Variants in PPM1H observed in about 807,000 individuals in gnomAD.
PPM1H encodes protein phosphatase 1H.
In PPM1H, 27 loss-of-function variants were observed where a neutral mutation model predicts 54.9. That is an observed-to-expected ratio of 0.49 (90% CI 0.36 to 0.68). The LOEUF is 0.68. Among genes scored for constraint, PPM1H ranks in the 30% least tolerant of loss-of-function variants. The probability of loss-of-function intolerance (pLI) is 0.00; values close to 1 mark genes in which losing one functional copy is unlikely to be tolerated. For synonymous variants in PPM1H, 305 were observed against 270.8 expected, an observed-to-expected ratio of 1.13 and a Z score of -1.24; for missense variants, 596 against 667.8, an observed-to-expected ratio of 0.89 and a Z score of 1.19.
At chr12:62,915,718 G>A (rs143802701) in intron 1 of PPM1H, among the ~76,000 whole-genome samples, 196 of 152,256 alleles carry the variant, frequency 1.3e-3, no homozygotes, top group African/African-American at 4.4e-3. Context: ...CAGAGGACAT[G>A]CCTGGCAGAC....
chr12:62,891,440 T>C (rs1428543917), intron 1 of PPM1H, among the ~76,000 whole-genome samples: 2 of 152,242 alleles, frequency 1.3e-5, no homozygotes, highest in African/African-American at 4.8e-5. Context: ...GATTTTTCCA[T>C]GTGTCAACCA....
chr12:62,646,893 G>GGAA lies in PPM1H; in HGVS notation c.*1593_*1595dup, dbSNP rs2075788578. ...GGAGAGGTTCCTATCCTCTCCTCTG[G>GGAA]GAAGAAATTCAAACAAATATGAGAA... On this transcript the variant is annotated 3_prime_UTR_variant, in exon 10 of 10. Coordinates refer to ENST00000228705, the MANE Select transcript of PPM1H (RefSeq NM_020700.2). 6.6e-6 allele frequency: 1 copy of GGAA among 152,152 alleles called. No individual in the cohort carries two copies. Among genetic ancestry groups the GGAA allele is most frequent in the South Asian group, 2.1e-4 (1 of 4,830 alleles). 9.4% of individuals were successfully genotyped at this position (152,152 alleles called of 1,614,324 possible).
rs772603749 is a variant in PPM1H, at chr12:62,648,491, A to G, written c.1543T>C (p.Ter515ArgextTer32). The change falls in exon 10 of 10, where the codon TGA (stop) becomes CGA (arginine). Residue 515 changes from the stop codon to arginine, a stop_lost. Transcript: ENST00000228705. ...CCTCCCAATCCCCTGGGCCATTTTC[A>G]TGACAGCTTGTTTCCATGTATTAAA... Reference protein sequence around the residue: ...IPLIHGNKLS* With the variant: ...IPLIHGNKLSR The G allele has an allele frequency of 1.2e-6, 2 of 1,613,888 alleles. No individual in the cohort carries two copies. The highest frequency in any genetic ancestry group is 1.7e-5 in the Admixed American group (1 of 60,024).
intron 6 of PPM1H, among the ~76,000 whole-genome samples, chr12:62,710,854 C>A (rs1298346922): frequency 6.6e-6 from 1 of 152,200 alleles, no homozygotes; most frequent in Non-Finnish European, 1.5e-5. Flanking sequence ...CTGAGGCCAG[C>A]AGCAGCTCTT....
intron 4 of PPM1H, chr12:62,755,434 G>A: frequency 7.1e-6 from 5 of 702,484 alleles, no homozygotes; most frequent in Non-Finnish European, 1.1e-5. Context: ...TGTCATCAAC[G>A]AAAATCCTAT....
chr12:62,789,017 C>T (rs531614682), intron 3 of PPM1H, among the ~76,000 whole-genome samples: 5 of 150,956 alleles, frequency 3.3e-5, no homozygotes, highest in Admixed American at 1.3e-4. Context: ...TGAGCCACTG[C>T]GCCCAGCCTT....
intron 4 of PPM1H, among the ~76,000 whole-genome samples, chr12:62,744,239 G>C (rs2076398196): frequency 6.6e-6 from 1 of 151,954 alleles, no homozygotes; most frequent in Non-Finnish European, 1.5e-5. Context: ...GGGAGGCCGA[G>C]GTGAGTGGAT....
chr12:62,658,182 A>ATTTT (rs1173229360), intron 9 of PPM1H, among the ~76,000 whole-genome samples: 2,300 of 87,410 alleles, frequency 0.026, 103 homozygotes, highest in South Asian at 0.062. Context: ...AACACGGTGA[A>ATTTT]TTTTTTTTTT....
intron 2 of PPM1H, 57 bp from the exon 3 acceptor site, chr12:62,802,217 C>T (rs1471046173): frequency 7.2e-7 from 1 of 1,396,262 alleles, no homozygotes; most frequent in African/African-American, 1.4e-5. Context: ...GCCTCAGGGT[C>T]ATACAGATTG....
intron 4 of PPM1H, among the ~76,000 whole-genome samples, chr12:62,758,691 C>A (rs186877984): frequency 0.014 from 2,157 of 152,108 alleles, 25 homozygotes; most frequent in Middle Eastern, 0.041. Context: ...AGCATCTAAC[C>A]CAAGACAGGT....
At chr12:62,650,417 C>T (rs1298717044) in intron 9 of PPM1H, among the ~76,000 whole-genome samples, 9 of 152,166 alleles carry the variant, frequency 5.9e-5, no homozygotes, top group Admixed American at 2.6e-4. Flanking sequence ...GCAAACAGTT[C>T]GTCCTGAGGT....
rs1447154827 is a variant in PPM1H at position 62,934,219 on chromosome 12, C to G, written c.245+273G>C. On this transcript the variant is annotated intron_variant, in intron 1 of 9. Transcript: ENST00000228705. This position sits in a 1 kb window ranked among gnomAD's most constrained non-coding sequence, Gnocchi z 4.2. ...TGACAGAGACCCCGGATTCACAGACCTGTCTCACCTTAGCTTTCCCACGCT... is the reference window on the plus strand; with the variant it reads ...TGACAGAGACCCCGGATTCACAGACGTGTCTCACCTTAGCTTTCCCACGCT... Among the ~76,000 whole-genome samples, 1 of 152,194 alleles carries G rather than the reference C, an allele frequency of 6.6e-6. No individual in the cohort carries two copies. Among genetic ancestry groups the G allele is most frequent in the Admixed American group, 6.5e-5 (1 of 15,276 alleles).
At chr12:62,679,710 C>A (rs371909189) in intron 8 of PPM1H, among the ~76,000 whole-genome samples, 1 of 152,122 alleles carries the variant, frequency 6.6e-6, no homozygotes, top group African/African-American at 2.4e-5. Context: ...GATTGCAACC[C>A]GGCTCCTCCT....
intron 4 of PPM1H, among the ~76,000 whole-genome samples, chr12:62,770,302 TCCCCATTTC>T (rs1175852445): frequency 3.9e-5 from 6 of 152,114 alleles, no homozygotes; most frequent in Admixed American, 6.6e-5. Flanking sequence ...CCTCTTATTA[TCCCCATTTC>T]CCCCATTTCC....
chr12:62,705,825 T>C (rs1488689403), intron 6 of PPM1H, among the ~76,000 whole-genome samples: 1 of 152,242 alleles, frequency 6.6e-6, no homozygotes, highest in Non-Finnish European at 1.5e-5. Context: ...CCCTTTATAC[T>C]GTATGAGATC....
rs1023569490 is a variant in PPM1H, at chr12:62,681,686, C to T, written c.1245+8013G>A. On this transcript the variant is annotated intron_variant, in intron 8 of 9. Transcript: ENST00000228705. The stretch of plus-strand genomic sequence containing the variant: ...CTTCTCCCTCCTATATCCAAATCCC[C>T]TAGTCCCTTAGAAAGCAGGAAACAC... Among the ~76,000 whole-genome samples, 7 of 152,304 alleles carry T rather than the reference C, an allele frequency of 4.6e-5. No individual in the cohort carries two copies. In the East Asian group the frequency reaches 1.2e-3, roughly 25 times the overall value.
intron 5 of PPM1H, among the ~76,000 whole-genome samples, chr12:62,733,293 G>A (rs759411434): frequency 2.6e-5 from 4 of 152,008 alleles, no homozygotes; most frequent in Admixed American, 6.6e-5. Context: ...TTGCTCTGTT[G>A]CCCAGGCTGG....
At chr12:62,846,934 G>A (rs931061347) in intron 1 of PPM1H, among the ~76,000 whole-genome samples, 8 of 152,178 alleles carry the variant, frequency 5.3e-5, no homozygotes, top group African/African-American at 1.9e-4. Context: ...TGGACTAAGA[G>A]AATGCATAAA....
intron 1 of PPM1H, among the ~76,000 whole-genome samples, chr12:62,877,113 T>C (rs965439140): frequency 6.6e-6 from 1 of 152,160 alleles, no homozygotes; most frequent in African/African-American, 2.4e-5. Context: ...TTGCTCTAAT[T>C]AGAAATACAG....
Sources: gnomAD v4.1 joint callset for allele counts (sites outside exome capture counted in the v4.1 genomes callset) on GRCh38, gnomAD v4.1.1 for gene constraint, Gnocchi (gnomAD v3.1) non-coding constraint, MANE v1.5 for transcripts, NCBI Gene and HGNC (gene_info 2026-07-23, HGNC 2026-07-21) for gene names.